Variants in SEC24C observed in about 807,000 individuals in gnomAD.
SEC24C encodes the protein SEC24 homolog C, COPII component, also known as protein transport protein Sec24C.
Under a neutral mutation model 117.0 loss-of-function variants are expected in SEC24C, and 22 were observed. The ratio of observed to expected loss-of-function variants is 0.19; its 90% CI spans 0.13 to 0.27. The LOEUF (loss-of-function observed/expected upper bound fraction) is 0.27. Ranked by LOEUF, SEC24C falls within the 10% of genes least tolerant of loss-of-function variation. SEC24C has a pLI of 1.00. For synonymous variants in SEC24C, 506 were observed against 529.4 expected (o/e 0.96, Z 0.61); for missense variants, 1,155 against 1,375.1 (o/e 0.84, Z 2.53).
chr10:73,752,432 T>C (rs1372442663), intron 3 of SEC24C, among the ~76,000 whole-genome samples: 1 of 152,158 alleles, frequency 6.6e-6, no homozygotes, highest in Non-Finnish European at 1.5e-5. Flanking sequence ...TCAGGAGTGT[T>C]GTTTGTGTTT....
chr10:73,768,190 C>T (rs2132575460), intron 15 of SEC24C, among the ~76,000 whole-genome samples, 183 bp downstream of exon 15: 1 of 152,308 alleles, frequency 6.6e-6, no homozygotes, highest in East Asian at 1.9e-4. Flanking sequence ...TCAAGACCAG[C>T]CTGGCCAACA....
rs563760263 is a variant in SEC24C at position 73,763,621 on chromosome 10, C to T, written c.1099+20C>T. 15 of 1,462,426 alleles carry T rather than the reference C, an allele frequency of 1.0e-5. No individual in the cohort carries two copies. Among genetic ancestry groups the T allele is most frequent in the African/African-American group, 8.5e-5 (6 of 70,916 alleles). 90.6% of individuals were successfully genotyped at this position (1,462,426 alleles called of 1,614,324 possible). Reference sequence around the variant, plus strand: ...ACCAAGGTGAGAATGGAATTAGCTCCTCCCACAGGGGCTTTTTCTTCAAGA... The same window carrying T: ...ACCAAGGTGAGAATGGAATTAGCTCTTCCCACAGGGGCTTTTTCTTCAAGA... On this transcript the variant is annotated intron_variant, in intron 7 of 22. Transcript: ENST00000345254.
intron 2 of SEC24C, among the ~76,000 whole-genome samples, chr10:73,749,318 T>G (rs1388550935): frequency 6.6e-6 from 1 of 152,206 alleles, no homozygotes; most frequent in Non-Finnish European, 1.5e-5. Context: ...ATGATTCTTA[T>G]GTATGAATGA....
At chr10:73,758,164 G>GGT (rs1395824876) in intron 3 of SEC24C, among the ~76,000 whole-genome samples, 1 of 151,852 alleles carries the variant, frequency 6.6e-6, no homozygotes, top group Non-Finnish European at 1.5e-5. Flanking sequence ...GAACCCAGGA[G>GGT]GTGGAGGTTG....
At chr10:73,763,706 T>TTTTTTTTAAA in intron 7 of SEC24C, 105 bp downstream of exon 7, 1 of 681,256 alleles carries the variant, frequency 1.5e-6, no homozygotes, top group Non-Finnish European at 2.2e-6. Flanking sequence ...TTTTAGTTTT[T>TTTTTTTTAAA]AACCAGAGAC....
intron 1 of SEC24C, among the ~76,000 whole-genome samples, chr10:73,744,839 C>T (rs1295538284): frequency 6.6e-6 from 1 of 152,118 alleles, no homozygotes; most frequent in Admixed American, 6.5e-5. Context: ...CCTCGACTAT[C>T]CACCCAGAAT....
At chr10:73,744,781 C>T (rs1287483038) in intron 1 of SEC24C, among the ~76,000 whole-genome samples, 10 of 152,186 alleles carry the variant, frequency 6.6e-5, no homozygotes, top group Admixed American at 1.3e-4. Context: ...CATGGCTTGA[C>T]TACTTTCAGA....
chr10:73,769,787 T>G lies in SEC24C; in HGVS notation c.2683-49T>G. 1 of 1,612,350 alleles carries G rather than the reference T, an allele frequency of 6.2e-7. No homozygotes were observed. Among genetic ancestry groups the G allele is most frequent in the South Asian group, 1.1e-5 (1 of 91,052 alleles). ...GGTTGTTGGGACAAATGTTTGCATT[T>G]GGGAGGGATTTCTCATGATCATTGA... On this transcript the variant is annotated intron_variant, in intron 19 of 22. Coordinates refer to ENST00000345254, the MANE Select transcript of SEC24C (RefSeq NM_198597.3). The surrounding 1 kb of genome is among the most constrained non-coding windows in gnomAD (Gnocchi z 4.5).
rs2082763582 is a variant in SEC24C at position 73,759,617 on chromosome 10, C to T, written c.309-5C>T. 3.3e-6 allele frequency: 5 copies of T among 1,505,086 alleles called. No homozygotes were observed. The highest frequency in any genetic ancestry group is 4.4e-6 in the Non-Finnish European group (5 of 1,127,980). The allele number at this position is 1,505,086 out of a possible 1,614,324, so 93.2% of individuals were successfully genotyped here. On this transcript the variant is annotated splice_polypyrimidine_tract_variant and splice_region_variant and intron_variant, in intron 3 of 22. Coordinates refer to ENST00000345254, the MANE Select transcript of SEC24C (RefSeq NM_198597.3). ...TAGTCACCTCTGCTTGCTTTCTTTTCACAGGCTGCCTGGGTCTCAGCCATT... is the reference window on the plus strand; with the variant it reads ...TAGTCACCTCTGCTTGCTTTCTTTTTACAGGCTGCCTGGGTCTCAGCCATT...
At chr10:73,768,949 AGGGAGGCAT>A (rs1321023484) in intron 16 of SEC24C, 43 bp downstream of exon 16, 1 of 1,614,164 alleles carries the variant, frequency 6.2e-7, no homozygotes, top group Non-Finnish European at 8.5e-7. Flanking sequence ...TAAATATGGA[AGGGAGGCAT>A]GTGGCACTTG....
Position 73,769,944 on chromosome 10 carries a change from G to A in SEC24C, c.2791G>A (p.Val931Ile). Reference sequence around the variant, plus strand: ...AGTCACTACTGATGACCGTGCCTATGTCCGACAGCTAGTTACCTCCATGGA... The same window carrying A: ...AGTCACTACTGATGACCGTGCCTATATCCGACAGCTAGTTACCTCCATGGA... ...AEVTTDDRAY[V>I]RQLVTSMDVT... Residue 931 changes from valine (V) to isoleucine (I), a missense_variant, in exon 20 of 23, where the codon GTC (valine) becomes ATC (isoleucine). By Grantham distance (29) the Val-to-Ile change is conservative. Transcript: ENST00000345254. The surrounding 1 kb of genome is among the most constrained non-coding windows in gnomAD (Gnocchi z 4.5). 1 of 1,614,176 alleles carries A rather than the reference G, an allele frequency of 6.2e-7. No homozygotes were observed. Among genetic ancestry groups the A allele is most frequent in the Non-Finnish European group, 8.5e-7 (1 of 1,180,026 alleles).
rs1018040942 is a variant in SEC24C at position 73,770,101 on chromosome 10, C to T, written c.2862+86C>T. On this transcript the variant is annotated intron_variant, in intron 20 of 22. Transcript: ENST00000345254. Reference sequence around the variant, plus strand: ...AAAGGATAGGCTAGTATCAGTCAGACACTAGTGGAATTTGTTTTTATGTAT... The same window carrying T: ...AAAGGATAGGCTAGTATCAGTCAGATACTAGTGGAATTTGTTTTTATGTAT... The T allele has an allele frequency of 3.0e-6, 4 of 1,332,224 alleles. No homozygotes were observed. In the African/African-American group the frequency reaches 5.9e-5, roughly 19 times the overall value. The allele number at this position is 1,332,224 out of a possible 1,614,324, so 82.5% of individuals were successfully genotyped here.
intron 8 of SEC24C, among the ~76,000 whole-genome samples, chr10:73,764,523 CAA>C (rs113069953): frequency 0.011 from 860 of 75,664 alleles, 11 homozygotes; most frequent in African/African-American, 0.04. Context: ...GACTCTGTCT[CAA>C]AAAAAAAAAA....
chr10:73,751,686 AC>A (rs1011177266), intron 3 of SEC24C: 1 of 151,182 alleles, frequency 6.6e-6, no homozygotes, highest in African/African-American at 2.4e-5. Flanking sequence ...TCTTCCCTCT[AC>A]CCTTTTGTAC....
At chr10:73,763,414 C>CT in intron 6 of SEC24C, 76 bp from the exon 7 acceptor site, 2 of 998,144 alleles carry the variant, frequency 2.0e-6, no homozygotes, top group South Asian at 1.4e-5. Flanking sequence ...CAGCTCTAGC[C>CT]TTTTTCACTC....
chr10:73,768,543 C>T (rs1032028316), intron 15 of SEC24C, among the ~76,000 whole-genome samples: 1 of 152,178 alleles, frequency 6.6e-6, no homozygotes, highest in African/African-American at 2.4e-5. Flanking sequence ...AGTACTTCCT[C>T]TTTTGTTCCT....
At chr10:73,768,975 T>C (rs755767394) in intron 16 of SEC24C, 32 bp from the exon 17 acceptor site, 1 of 1,614,232 alleles carries the variant, frequency 6.2e-7, no homozygotes, top group East Asian at 2.2e-5. Context: ...CTTGTCATAC[T>C]TTTTGCCCTG....
chr10:73,757,699 G>GCGAGAGGATTGA (rs75947160), intron 3 of SEC24C, among the ~76,000 whole-genome samples: 2 of 150,884 alleles, frequency 1.3e-5, no homozygotes, highest in South Asian at 2.1e-4. Context: ...TGAAGCCGGG[G>GCGAGAGGATTGA]TAGGAGTTCA....
At chr10:73,756,438 GAAA>G (rs1032642915) in intron 3 of SEC24C, among the ~76,000 whole-genome samples, 1 of 150,760 alleles carries the variant, frequency 6.6e-6, no homozygotes, top group African/African-American at 2.4e-5. Context: ...GTGGATGGGT[GAAA>G]AAAAAAGTTC....
Sources: gnomAD v4.1 joint callset for allele counts (sites outside exome capture counted in the v4.1 genomes callset) on GRCh38, gnomAD v4.1.1 for gene constraint, Gnocchi (gnomAD v3.1) non-coding constraint, MANE v1.5 for transcripts, NCBI Gene and HGNC (gene_info 2026-07-23, HGNC 2026-07-21) for gene names.